The following PPCS variants were observed in gnomAD, a reference collection of about 807,000 sequenced individuals.
The protein encoded by PPCS is phosphopantothenoylcysteine synthetase.
A neutral mutation model predicts 24.6 loss-of-function variants in PPCS; 17 were observed. The ratio of observed to expected loss-of-function variants is 0.69; its 90% CI spans 0.47 to 1.04. The LOEUF is 1.04. PPCS is among the 50% of genes least tolerant of loss of function. PPCS has a pLI of 0.00. For missense variants in PPCS, 360 were observed against 402.8 expected (o/e 0.89, Z 0.91); for synonymous variants, 190 against 168.3 (o/e 1.13, Z -1.00).
upstream of PPCS, chr1:42,456,396 TG>T: frequency 1.3e-6 from 1 of 775,514 alleles, no homozygotes; most frequent in Non-Finnish European, 2.0e-6. Flanking sequence ...CGCTGGGCTC[TG>T]GGGCAGAACA....
At chr1:42,466,840 C>T (rs1449581707) in intron 2 of PPCS, among the ~76,000 whole-genome samples, 3 of 152,228 alleles carry the variant, frequency 2.0e-5, no homozygotes, top group Non-Finnish European at 4.4e-5. Context: ...GCATGAGCCT[C>T]TGCGCCCGGC....
intron 2 of PPCS, among the ~76,000 whole-genome samples, chr1:42,469,658 G>T (rs1261813197): frequency 6.6e-6 from 1 of 152,180 alleles, no homozygotes; most frequent in Non-Finnish European, 1.5e-5. Flanking sequence ...CAGGTAAAGG[G>T]ATTAACCTTG....
At chr1:42,457,424 A>C in intron 2 of PPCS, 74 bp downstream of exon 2, 1 of 1,317,828 alleles carries the variant, frequency 7.6e-7, no homozygotes, top group African/African-American at 1.4e-5. Flanking sequence ...TGATCTGGAG[A>C]TGGCCTTTCT....
rs141956756 is a variant in PPCS at position 42,459,490 on chromosome 1, A to C, written c.613-113A>C. On this transcript the variant is annotated intron_variant, in intron 2 of 2. Coordinates refer to ENST00000372561, the MANE Select transcript of PPCS (RefSeq NM_024664.4). ...TTTTTAAACTAAACATTTAACTGAA[A>C]AGTTTGATGGTTGAGAAATCCCACT... 252 of 933,226 alleles carry C rather than the reference A, an allele frequency of 2.7e-4. 1 individual carries two copies. The East Asian group carries it at 6.0e-3, about 22-fold the overall frequency. The allele number at this position is 933,226 out of a possible 1,614,324, so 57.8% of individuals were successfully genotyped here. A position where few individuals can be genotyped will look rare whatever the true frequency, so the allele number is the denominator to read the frequency against.
intron 2 of PPCS, among the ~76,000 whole-genome samples, chr1:42,469,043 G>A (rs1267302218): frequency 2.6e-5 from 4 of 151,970 alleles, no homozygotes; most frequent in Non-Finnish European, 2.9e-5. Context: ...AACTTTCAGG[G>A]AAGGAGTGAA....
Position 42,457,049 on chromosome 1 carries a change from G to C in PPCS, c.484G>C (p.Ala162Pro), listed in dbSNP as rs758978530. 6.9e-6 allele frequency: 11 copies of C among 1,599,244 alleles called. No individual in the cohort carries two copies. In the Admixed American group the frequency reaches 1.8e-4, roughly 27 times the overall value. ...LADYLHLLQA[A>P]AQALNPLGPS... ...GGACTATTTGCATCTGTTGCAGGCT[G>C]CGGCCCAGGCACTCAATCCGCTAGG... The change falls in exon 1 of 3, where the codon GCG (alanine) becomes CCG (proline). Residue 162 changes from alanine to proline, a missense_variant. Ala to Pro is a conservative substitution (Grantham distance 27). This residue lies in a region of PPCS where 244 missense variants were observed against 234.7 expected (regional missense o/e 1.04). Transcript: ENST00000372561.
At position 42,459,809 on chromosome 1, in the gene PPCS, C is replaced by T; in HGVS notation, c.819C>T (p.Asp273=). ...RQSFVFIVTK[D]SETKLLLSEE... ...CCTTTGTGTTTATTGTAACCAAAGACTCGGAAACCAAGTTATTGCTATCAG... is the reference window on the plus strand; with the variant it reads ...CCTTTGTGTTTATTGTAACCAAAGATTCGGAAACCAAGTTATTGCTATCAG... Residue 273 remains aspartate, a synonymous_variant, in exon 3 of 3, where the codon GAC becomes GAT. Coordinates refer to ENST00000372561, the MANE Select transcript of PPCS (RefSeq NM_024664.4). The T allele has an allele frequency of 8.7e-6, 14 of 1,614,032 alleles. No individual in the cohort carries two copies. Among genetic ancestry groups the T allele is most frequent in the Non-Finnish European group, 1.2e-5 (14 of 1,179,994 alleles).
downstream of PPCS, among the ~76,000 whole-genome samples, chr1:42,461,564 T>A (rs2148424041): frequency 6.6e-6 from 1 of 151,950 alleles, no homozygotes; most frequent in Non-Finnish European, 1.5e-5. Flanking sequence ...TTTTTTTTTT[T>A]TGAGCGGAGT....
chr1:42,463,768 C>T (rs987614686), downstream of PPCS: 1 of 152,144 alleles, frequency 6.6e-6, no homozygotes, highest in African/African-American at 2.4e-5. Context: ...GGCAGCTTTC[C>T]CCTACGTGTA....
Position 42,456,998 on chromosome 1 carries a change from C to G in PPCS, c.433C>G (p.Leu145Val), listed in dbSNP as rs780509610. Residue 145 changes from leucine to valine, a missense_variant, in exon 1 of 3, where the codon CTG (leucine) becomes GTG (valine). By Grantham distance (32) the Leu-to-Val change is conservative. Around this residue, in one of 2 missense-constraint regions of PPCS, gnomAD observed 244 missense variants for 234.7 expected, o/e 1.04. Coordinates refer to ENST00000372561, the MANE Select transcript of PPCS (RefSeq NM_024664.4). ...YQEAAAAGTF[L>V]AVEFTTLADY... ...GGAGGCTGCGGCTGCAGGCACCTTC[C>G]TGGCAGTAGAGTTCACCACTTTGGC... 6.2e-7 allele frequency: 1 copy of G among 1,602,168 alleles called. No individual in the cohort carries two copies. Among genetic ancestry groups the G allele is most frequent in the African/African-American group, 1.3e-5 (1 of 74,906 alleles).
intron 2 of PPCS, among the ~76,000 whole-genome samples, chr1:42,472,343 A>G (rs180935165): frequency 6.6e-6 from 1 of 152,334 alleles, no homozygotes; most frequent in East Asian, 1.9e-4. Context: ...TCATACTGCA[A>G]ACTGTTATGT....
rs1209186196 is a variant in PPCS at position 42,460,830 on chromosome 1, A to G, written c.*904A>G. Among the ~76,000 whole-genome samples, 3 of 152,232 alleles carry G rather than the reference A, an allele frequency of 2.0e-5. No homozygotes were observed. Among genetic ancestry groups the G allele is most frequent in the Non-Finnish European group, 2.9e-5 (2 of 68,044 alleles). On this transcript the variant is annotated 3_prime_UTR_variant, in exon 3 of 3. Transcript: ENST00000372561. Reference sequence around the variant, plus strand: ...TTGTGAGGATCAAATGAAATAGCAAAAAGAAAGCATCAGTCTGGTGCCTAG... The same window carrying G: ...TTGTGAGGATCAAATGAAATAGCAAGAAGAAAGCATCAGTCTGGTGCCTAG...
chr1:42,456,599 C>T lies in PPCS; in HGVS notation c.34C>T (p.Gln12Ter). 6.6e-6 allele frequency: 10 copies of T among 1,511,796 alleles called. No individual in the cohort carries two copies. Among genetic ancestry groups the T allele is most frequent in the Non-Finnish European group, 8.8e-6 (10 of 1,132,576 alleles). The allele number at this position is 1,511,796 out of a possible 1,614,324, so 93.6% of individuals were successfully genotyped here. A position where few individuals can be genotyped will look rare whatever the true frequency, so the allele number is the denominator to read the frequency against. Residue 12 changes from glutamine (Q) to a stop codon, truncating the protein, a stop_gained, in exon 1 of 3, where the codon CAG (glutamine) becomes TAG (stop). Coordinates refer to ENST00000372561, the MANE Select transcript of PPCS (RefSeq NM_024664.4). LOFTEE classifies it high-confidence loss of function. ...AATGGATCCGGTAGCCGAGTTCCCC[C>T]AGCCTCCCGGTGCTGCGCGCTGGGC... is the stretch of plus-strand genomic sequence containing the variant. ...AEMDPVAEFP[Q>*]PPGAARWAEV...
Position 42,457,057 on chromosome 1 carries a change from G to A in PPCS, c.492G>A (p.Gln164=), listed in dbSNP as rs760329322. 48 of 1,598,090 alleles carry A rather than the reference G, an allele frequency of 3.0e-5. No homozygotes were observed. The Admixed American group carries it at 7.9e-4, about 26-fold the overall frequency. Reference sequence around the variant, plus strand: ...TGCATCTGTTGCAGGCTGCGGCCCAGGCACTCAATCCGCTAGGTGCGTGCC... The same window carrying A: ...TGCATCTGTTGCAGGCTGCGGCCCAAGCACTCAATCCGCTAGGTGCGTGCC... ...DYLHLLQAAA[Q]ALNPLGPSAM... The change falls in exon 1 of 3, where the codon CAG becomes CAA. Residue 164 remains glutamine (Q), a synonymous_variant. Transcript: ENST00000372561.
chr1:42,458,561 C>G (rs1458236657), intron 2 of PPCS, among the ~76,000 whole-genome samples: 7 of 152,114 alleles, frequency 4.6e-5, no homozygotes, highest in Non-Finnish European at 8.8e-5. Flanking sequence ...ATAAATAAGT[C>G]AAATACATAA....
At chr1:42,458,694 G>C (rs543027052) in intron 2 of PPCS, among the ~76,000 whole-genome samples, 2 of 152,104 alleles carry the variant, frequency 1.3e-5, no homozygotes, top group Admixed American at 6.5e-5. Flanking sequence ...GTGATTTCAC[G>C]CTTTTTAATC....
At chr1:42,459,411 C>A in intron 2 of PPCS, 192 bp from the exon 3 acceptor site, 1 of 601,532 alleles carries the variant, frequency 1.7e-6, no homozygotes, top group Non-Finnish European at 2.9e-6. Flanking sequence ...TCCACCCATC[C>A]TGGCCTTCCA....
At chr1:42,465,310 CA>C (rs1003626532), downstream of PPCS, among the ~76,000 whole-genome samples, 2 of 151,546 alleles carry the variant, frequency 1.3e-5, no homozygotes, top group Admixed American at 6.6e-5. Flanking sequence ...GACCCTGTCT[CA>C]AAAAAAATAA....
chr1:42,457,598 C>T (rs190497516), intron 2 of PPCS: 22 of 506,900 alleles, frequency 4.3e-5, no homozygotes, highest in Admixed American at 2.7e-4. Context: ...GATCATGGGG[C>T]GAGTGAATCC....
Sources: gnomAD v4.1 joint callset for allele counts (sites outside exome capture counted in the v4.1 genomes callset) on GRCh38, gnomAD v4.1.1 for gene constraint, gnomAD v4.1.1 regional missense constraint, MANE v1.5 for transcripts, NCBI Gene and HGNC (gene_info 2026-07-23, HGNC 2026-07-21) for gene names.